The following DOCK8 variants were observed in gnomAD, a reference collection of about 807,000 sequenced individuals.
The protein encoded by DOCK8 is dedicator of cytokinesis protein 8.
DOCK8 carries 141 observed loss-of-function variants against 245.6 expected under a neutral mutation model. The observed-to-expected ratio is 0.57, with a 90% confidence interval of 0.50 to 0.66. DOCK8 has a LOEUF of 0.66. Ranked by LOEUF, DOCK8 falls within the 30% of genes least tolerant of loss-of-function variation. DOCK8 has a pLI of 0.00. For missense variants in DOCK8, 2,965 were observed against 2,603.4 expected (o/e 1.14, Z -3.02); for synonymous variants, 1,168 against 970.2 (o/e 1.20, Z -3.79).
intron 5 of DOCK8, among the ~76,000 whole-genome samples, 171 bp from the exon 6 acceptor site, chr9:311,783 C>G (rs1240519874): frequency 1.3e-5 from 2 of 152,172 alleles, no homozygotes; most frequent in Non-Finnish European, 2.9e-5. Context: ...GTAGTCCAGC[C>G]AGGAAGCTGA....
intron 46 of DOCK8, among the ~76,000 whole-genome samples, chr9:453,347 A>G (rs917134091): frequency 1.3e-5 from 2 of 151,476 alleles, no homozygotes; most frequent in African/African-American, 4.9e-5. Flanking sequence ...TCTGACAGAA[A>G]AACTAGTTGT....
intron 18 of DOCK8, among the ~76,000 whole-genome samples, chr9:374,761 C>T (rs373444258): frequency 1.3e-4 from 20 of 151,886 alleles, no homozygotes; most frequent in East Asian, 7.7e-4. Flanking sequence ...CCACCATGCC[C>T]GGCCCCTTTT....
chr9:230,108 T>A (rs2047076512), intron 1 of DOCK8, among the ~76,000 whole-genome samples: 1 of 137,726 alleles, frequency 7.3e-6, no homozygotes, highest in African/African-American at 2.7e-5. Context: ...CCTGTGTCCA[T>A]GTGTTCTCAT....
intron 10 of DOCK8, 102 bp from the exon 11 acceptor site, chr9:334,123 C>A: frequency 3.9e-6 from 5 of 1,281,534 alleles, no homozygotes; most frequent in Non-Finnish European, 3.4e-6. Flanking sequence ...TCTTTTTAAT[C>A]AGTAGGGTTT....
chr9:405,305 C>T (rs770168684), intron 27 of DOCK8, among the ~76,000 whole-genome samples: 1 of 152,062 alleles, frequency 6.6e-6, no homozygotes, highest in Non-Finnish European at 1.5e-5. Flanking sequence ...TAAGTAAAGC[C>T]AAGAATCCAA....
intron 13 of DOCK8, among the ~76,000 whole-genome samples, 199 bp downstream of exon 13, chr9:339,298 A>T (rs111930805): frequency 7.2e-5 from 11 of 152,342 alleles, no homozygotes; most frequent in African/African-American, 2.6e-4. Context: ...TAAAGGATTG[A>T]TTTAGTAAAC....
chr9:237,848 A>G (rs954510251), intron 1 of DOCK8, among the ~76,000 whole-genome samples: 1 of 152,192 alleles, frequency 6.6e-6, no homozygotes, highest in Non-Finnish European at 1.5e-5. Flanking sequence ...TAAACAGCTT[A>G]TATTTAAACA....
chr9:433,233 T>A (rs2056780212), intron 37 of DOCK8, among the ~76,000 whole-genome samples: 1 of 152,178 alleles, frequency 6.6e-6, no homozygotes, highest in South Asian at 2.1e-4. Flanking sequence ...AGGTCTTCAG[T>A]GCCTTCACCC....
At chr9:277,393 C>A (rs1003559239) in intron 2 of DOCK8, among the ~76,000 whole-genome samples, 3 of 150,580 alleles carry the variant, frequency 2.0e-5, no homozygotes, top group Non-Finnish European at 4.4e-5. Flanking sequence ...CCACAGTACT[C>A]TAGCCTGGGC....
intron 33 of DOCK8, among the ~76,000 whole-genome samples, chr9:423,442 A>T (rs2056359551): frequency 6.6e-6 from 1 of 152,182 alleles, no homozygotes; most frequent in South Asian, 2.1e-4. Flanking sequence ...ACAAGGTAGG[A>T]TACCCCATGG....
At chr9:373,781 A>C (rs1317497443) in intron 18 of DOCK8, among the ~76,000 whole-genome samples, 1 of 152,224 alleles carries the variant, frequency 6.6e-6, no homozygotes, top group Non-Finnish European at 1.5e-5. Context: ...CTCTCATCAA[A>C]GCCATCTAAG....
intron 22 of DOCK8, among the ~76,000 whole-genome samples, 177 bp downstream of exon 22, chr9:382,862 A>T (rs2053780888): frequency 6.6e-6 from 1 of 152,204 alleles, no homozygotes; most frequent in Admixed American, 6.5e-5. Context: ...ATTCTGACAG[A>T]TGCAGCAGCA....
At position 377,099 on chromosome 9, in the gene DOCK8, C is replaced by T. The variant is rs1444101096; in HGVS notation, c.2328C>T (p.Ser776=). 2.5e-6 allele frequency: 4 copies of T among 1,612,140 alleles called. No homozygotes were observed. Among genetic ancestry groups the T allele is most frequent in the African/African-American group, 2.7e-5 (2 of 74,930 alleles). Reference sequence around the variant, plus strand: ...CGCTGGAGCATGAGCTGAAGCTCAGCATCATCTGCCTGAACTCCTCCCGCC... The same window carrying T: ...CGCTGGAGCATGAGCTGAAGCTCAGTATCATCTGCCTGAACTCCTCCCGCC... ...EMALEHELKL[S]IICLNSSRLE... is the part of the protein sequence containing the mutation. The change falls in exon 20 of 48, where the codon AGC becomes AGT. Residue 776 remains serine (S), a synonymous_variant. Coordinates refer to ENST00000432829, the MANE Select transcript of DOCK8 (RefSeq NM_203447.4).
At chr9:236,256 G>C (rs373508935) in intron 1 of DOCK8, among the ~76,000 whole-genome samples, 2 of 152,140 alleles carry the variant, frequency 1.3e-5, no homozygotes, top group African/African-American at 4.8e-5. Context: ...GAAGAAGAAA[G>C]GAGGTAAAAA....
At chr9:339,690 A>G (rs1016242547) in intron 13 of DOCK8, among the ~76,000 whole-genome samples, 8 of 151,978 alleles carry the variant, frequency 5.3e-5, no homozygotes, top group African/African-American at 1.9e-4. Flanking sequence ...TATTTTTTGT[A>G]TTTTTAGTAG....
At chr9:362,238 C>G (rs576897627) in intron 14 of DOCK8, among the ~76,000 whole-genome samples, 1 of 152,200 alleles carries the variant, frequency 6.6e-6, no homozygotes, top group African/African-American at 2.4e-5. Flanking sequence ...CCGATGCATA[C>G]GCATTCTCAT....
intron 21 of DOCK8, 126 bp downstream of exon 21, chr9:380,061 C>G: frequency 1.1e-6 from 1 of 904,482 alleles, no homozygotes; most frequent in Non-Finnish European, 1.7e-6. Context: ...CCCCAGCACT[C>G]TAGGAGGCTG....
intron 4 of DOCK8, among the ~76,000 whole-genome samples, chr9:293,776 C>T (rs1027490375): frequency 2.6e-5 from 4 of 152,160 alleles, no homozygotes; most frequent in Non-Finnish European, 4.4e-5. Flanking sequence ...ACTAGAAAGT[C>T]GGAGGAGGAT....
chr9:273,779 CTAGTTCAAGCAATTCTCCTG>C (rs6150880), intron 2 of DOCK8, among the ~76,000 whole-genome samples: 77,033 of 150,496 alleles, frequency 0.51, 21,167 homozygotes, highest in African/African-American at 0.73. Flanking sequence ...CCTCTGCCTC[CTAGTTCAAGCAATTCTCCTG>C]TAGTTCAAGC....
Sources: gnomAD v4.1 joint callset for allele counts (sites outside exome capture counted in the v4.1 genomes callset) on GRCh38, gnomAD v4.1.1 for gene constraint, MANE v1.5 for transcripts, NCBI Gene and HGNC (gene_info 2026-07-23, HGNC 2026-07-21) for gene names.